The following KCNK10 variants were observed in gnomAD, a reference collection of about 807,000 sequenced individuals.
KCNK10 encodes the protein potassium two pore domain channel subfamily K member 10, also known as potassium channel subfamily K member 10.
KCNK10 carries 25 observed loss-of-function variants against 47.7 expected under a neutral mutation model. The observed-to-expected ratio is 0.52, with a 90% CI of 0.38 to 0.73. The LOEUF is 0.73. KCNK10 is among the 30% of genes least tolerant of loss of function. The pLI is 0.00. For missense variants in KCNK10, 563 were observed against 714.5 expected, an observed-to-expected ratio of 0.79 and a Z score of 2.42; for synonymous variants, 303 against 285.6, an observed-to-expected ratio of 1.06 and a Z score of -0.61.
At chr14:88,189,881 TTGG>T (rs1471617218) in intron 5 of KCNK10, among the ~76,000 whole-genome samples, 1 of 152,178 alleles carries the variant, frequency 6.6e-6, no homozygotes, top group Admixed American at 6.5e-5. Context: ...ATTCTCCAGA[TTGG>T]TCTGTGTAAG....
intron 4 of KCNK10, among the ~76,000 whole-genome samples, chr14:88,209,163 C>T (rs374443694): frequency 5.9e-5 from 9 of 152,294 alleles, no homozygotes; most frequent in African/African-American, 2.2e-4. Context: ...AAGGGCCAGG[C>T]TTCTTTTCGG....
chr14:88,324,474 C>G (rs1163251238), upstream of KCNK10, among the ~76,000 whole-genome samples: 1 of 152,192 alleles, frequency 6.6e-6, no homozygotes, highest in Non-Finnish European at 1.5e-5. Context: ...GTAGTTTAAA[C>G]CCCTACTCTG....
intron 4 of KCNK10, among the ~76,000 whole-genome samples, chr14:88,220,416 CAAAAAAAAAAAAAAAAAAAAAAAAAAAA>C (rs58562095): frequency 3.3e-5 from 1 of 30,160 alleles, no homozygotes; most frequent in Non-Finnish European, 5.2e-5. Flanking sequence ...GACTCCGTCT[CAAAAAAAAAAAAAAAAAAAAAAAAAAAA>C]AAAAAAAAAA....
rs867074103 is a variant in KCNK10 at position 88,263,466 on chromosome 14, C to T, written c.138G>A (p.Pro46=). Reference sequence around the variant, plus strand: ...TGGCTCGGGAGGAAATGGACAGGCGCGGAGTTGGAGTCGGAGCCGGAGCCG... The same window carrying T: ...TGGCTCGGGAGGAAATGGACAGGCGTGGAGTTGGAGTCGGAGCCGGAGCCG... ...QPPAPAPTPT[P]RLSISSRATV... is the part of the protein sequence containing the mutation. The change falls in exon 2 of 7, where the codon CCG becomes CCA. Residue 46 remains proline (P), a synonymous_variant. Transcript: ENST00000319231. 15 of 1,614,054 alleles carry T rather than the reference C, an allele frequency of 9.3e-6. 1 individual carries two copies. The Middle Eastern group carries it at 4.9e-4, about 53-fold the overall frequency.
chr14:88,192,251 T>C lies in KCNK10; in HGVS notation c.841A>G (p.Thr281Ala). ...SIYFVVVTLT[T>A]VGFGDFVAGG... is the part of the protein sequence containing the mutation. ...GCCACAAAATCACCAAAGCCCACCG[T>C]GGTCAGAGTGACCACCACAAAGTAA... The change falls in exon 5 of 7, where the codon ACG becomes GCG. Residue 281 changes from threonine to alanine, a missense_variant. Physicochemically the swap from Thr to Ala is moderately conservative, Grantham distance 58 (BLOSUM62 0). Coordinates refer to ENST00000319231, the MANE Select transcript of KCNK10 (RefSeq NM_138317.3). The C allele has an allele frequency of 6.2e-7, 1 of 1,613,774 alleles. No homozygotes were observed. Among genetic ancestry groups the C allele is most frequent in the Non-Finnish European group, 8.5e-7 (1 of 1,179,856 alleles).
In KCNK10 at chr14:88,192,282, C is replaced by A; in HGVS notation, c.810G>T (p.Glu270Asp). ...GAGTGACCACCACAAAGTAAATGGACTCCAAGGCCGTCCAGCCCTCGATGT... is the reference window on the plus strand; with the variant it reads ...GAGTGACCACCACAAAGTAAATGGAATCCAAGGCCGTCCAGCCCTCGATGT... ...FKYIEGWTAL[E>D]SIYFVVVTLT... The change falls in exon 5 of 7, where the codon GAG (glutamate) becomes GAT (aspartate). Residue 270 changes from glutamate (E) to aspartate (D), a missense_variant. Physicochemically the swap from Glu to Asp is conservative, Grantham distance 45. Transcript: ENST00000319231. The A allele has an allele frequency of 6.2e-7, 1 of 1,614,126 alleles. No homozygotes were observed. The highest frequency in any genetic ancestry group is 8.5e-7 in the Non-Finnish European group (1 of 1,180,012).
At chr14:88,281,749 T>TATATATATATATATATATAC in intron 1 of KCNK10, among the ~76,000 whole-genome samples, 1 of 142,658 alleles carries the variant, frequency 7.0e-6, no homozygotes, top group African/African-American at 2.6e-5. Flanking sequence ...TATATATATA[T>TATATATATATATATATATAC]ATACACATAC....
At chr14:88,298,567 G>C (rs568196550) in intron 1 of KCNK10, among the ~76,000 whole-genome samples, 5 of 152,156 alleles carry the variant, frequency 3.3e-5, no homozygotes, top group Non-Finnish European at 7.4e-5. Flanking sequence ...TGGGTCCTCA[G>C]CCCTCTCAGT....
At chr14:88,288,806 C>G (rs1329550075) in intron 1 of KCNK10, among the ~76,000 whole-genome samples, 1 of 152,156 alleles carries the variant, frequency 6.6e-6, no homozygotes, top group Non-Finnish European at 1.5e-5. Context: ...CAACCTGGAA[C>G]AGTCTTGCCC....
Position 88,181,201 on chromosome 14 carries a change from C to G in KCNK10, c.*4334G>C, listed in dbSNP as rs1433317941. On this transcript the variant is annotated 3_prime_UTR_variant, in exon 7 of 7. Coordinates refer to ENST00000319231, the MANE Select transcript of KCNK10 (RefSeq NM_138317.3). ...AAATCCAGTGGGTAAAAACCAGCCCCACCCAAACTCTGGTCACCTTCTCAC... is the reference window on the plus strand; with the variant it reads ...AAATCCAGTGGGTAAAAACCAGCCCGACCCAAACTCTGGTCACCTTCTCAC... The G allele has an allele frequency of 5.6e-6, 1 of 178,990 alleles. No individual in the cohort carries two copies. The highest frequency in any genetic ancestry group is 1.2e-5 in the Non-Finnish European group (1 of 86,152). The allele number at this position is 178,990 out of a possible 1,614,324, so 11.1% of individuals were successfully genotyped here.
In KCNK10 at chr14:88,184,149, A is replaced by G. The variant is rs1313855980; in HGVS notation, c.*1386T>C. On this transcript the variant is annotated 3_prime_UTR_variant, in exon 7 of 7. Transcript: ENST00000319231. ...GCAACCTATGACTAGCCATTCCCCG[A>G]CTTTCCTCTGCGGGATGTTCTAGCC... The G allele has an allele frequency of 6.6e-6, 1 of 152,244 alleles. No individual in the cohort carries two copies. The highest frequency in any genetic ancestry group is 6.5e-5 in the Admixed American group (1 of 15,270). The allele number at this position is 152,244 out of a possible 1,614,324, so 9.4% of individuals were successfully genotyped here.
At chr14:88,225,256 G>T (rs763515568) in intron 4 of KCNK10, among the ~76,000 whole-genome samples, 3 of 152,206 alleles carry the variant, frequency 2.0e-5, no homozygotes, top group Non-Finnish European at 4.4e-5. Flanking sequence ...CTGGAATTCG[G>T]TCACCCTTTC....
chr14:88,197,584 A>AAAAT, intron 4 of KCNK10, among the ~76,000 whole-genome samples: 1 of 131,662 alleles, frequency 7.6e-6, no homozygotes, highest in Non-Finnish European at 1.6e-5. Context: ...AAAAAAAAAA[A>AAAAT]AAAAAAAAAA....
intron 4 of KCNK10, among the ~76,000 whole-genome samples, chr14:88,221,347 T>C (rs2139864896): frequency 7.0e-6 from 1 of 143,810 alleles, no homozygotes; most frequent in East Asian, 2.0e-4. Context: ...CATTATACAT[T>C]AAATCTCAAC....
At chr14:88,308,728 A>G (rs1888253664) in intron 1 of KCNK10, among the ~76,000 whole-genome samples, 1 of 152,216 alleles carries the variant, frequency 6.6e-6, no homozygotes, top group Non-Finnish European at 1.5e-5. Context: ...ATACATGCAC[A>G]AGCCACAGAG....
chr14:88,190,044 T>C (rs943006117), intron 5 of KCNK10, among the ~76,000 whole-genome samples: 1 of 152,210 alleles, frequency 6.6e-6, no homozygotes, highest in Non-Finnish European at 1.5e-5. Flanking sequence ...TGCCTGGGAC[T>C]GTGTAGGTTG....
intron 4 of KCNK10, among the ~76,000 whole-genome samples, chr14:88,225,234 C>T (rs1885945376): frequency 6.6e-6 from 1 of 152,232 alleles, no homozygotes; most frequent in Non-Finnish European, 1.5e-5. Context: ...AGGAAGTGTG[C>T]TTACATTCCC....
intron 1 of KCNK10, among the ~76,000 whole-genome samples, chr14:88,306,265 A>T (rs1235767064): frequency 6.6e-6 from 1 of 152,226 alleles, no homozygotes; most frequent in Non-Finnish European, 1.5e-5. Flanking sequence ...TTGTTCATGT[A>T]CTTTCAGCTA....
chr14:88,262,591 C>CT (rs1262700701), intron 2 of KCNK10, among the ~76,000 whole-genome samples: 1 of 152,164 alleles, frequency 6.6e-6, no homozygotes, highest in Non-Finnish European at 1.5e-5. Context: ...TCCTAAGAAT[C>CT]TTTTTTCCTT....
Sources: allele counts gnomAD v4.1 joint callset (sites outside exome capture counted in the v4.1 genomes callset), GRCh38; gene constraint gnomAD v4.1.1; transcripts MANE v1.5; gene names NCBI Gene and HGNC (gene_info 2026-07-23, HGNC 2026-07-21).